NYAP2: variants seen among roughly 807,000 people sequenced by gnomAD.
The protein encoded by NYAP2 is neuronal tyrosine-phosphorylated phosphoinositide-3-kinase adaptor 2.
Under a neutral mutation model 50.4 loss-of-function variants are expected in NYAP2, and 23 were observed. That is an observed-to-expected ratio of 0.46 (90% CI 0.33 to 0.65). The LOEUF (loss-of-function observed/expected upper bound fraction) is 0.65. Among genes scored for constraint, NYAP2 ranks in the 30% least tolerant of loss-of-function variants. The pLI, the probability that NYAP2 is intolerant of heterozygous loss-of-function variation, is 0.02. For missense variants in NYAP2, 885 were observed against 861.0 expected (o/e 1.03, Z -0.35); for synonymous variants, 394 against 365.2 (o/e 1.08, Z -0.90).
intron 4 of NYAP2, among the ~76,000 whole-genome samples, chr2:225,528,903 C>A (rs1691202741): frequency 6.6e-6 from 1 of 152,154 alleles, no homozygotes; most frequent in South Asian, 2.1e-4. Context: ...GCATCAATTT[C>A]CAGTAATGGG....
chr2:225,491,458 A>T (rs1263786209), intron 3 of NYAP2, among the ~76,000 whole-genome samples: 2 of 152,202 alleles, frequency 1.3e-5, no homozygotes, highest in African/African-American at 4.8e-5. Flanking sequence ...TAAATTATGG[A>T]TTCTAAATCA....
rs189250329 is a variant in NYAP2 at position 225,598,503 on chromosome 2, G to A, written c.1618+15468G>A. On this transcript the variant is annotated intron_variant, in intron 5 of 6. Coordinates refer to ENST00000636099, the Ensembl canonical transcript of NYAP2. ...AAGTGTTGTTTCTAAGTACATTCAA[G>A]TAGAAGCAGCTCATTTTCTTTTAAA... is the stretch of plus-strand genomic sequence containing the variant. 2.4e-3 allele frequency among the ~76,000 whole-genome samples: 368 copies of A among 152,212 alleles called. 1 individual carries two copies. The highest frequency in any genetic ancestry group is 4.1e-3 in the Non-Finnish European group (281 of 68,002).
intron 3 of NYAP2, among the ~76,000 whole-genome samples, chr2:225,421,920 T>A (rs971652296): frequency 2.0e-5 from 3 of 152,218 alleles, no homozygotes; most frequent in African/African-American, 7.2e-5. Context: ...TAGAAATCAA[T>A]TATTTCAAAT....
At chr2:225,567,387 A>G (rs1490739486) in intron 4 of NYAP2, among the ~76,000 whole-genome samples, 1 of 152,180 alleles carries the variant, frequency 6.6e-6, no homozygotes, top group Non-Finnish European at 1.5e-5. Context: ...TTGAATCATT[A>G]TACACTTATA....
chr2:225,669,183 G>A, the NYAP2 span, among the ~76,000 whole-genome samples: 1 of 152,050 alleles, frequency 6.6e-6, no homozygotes, highest in African/African-American at 2.4e-5. Context: ...CATAAAGCAT[G>A]TGGTACATGA....
At chr2:225,610,065 C>T (rs866237318) in intron 5 of NYAP2, among the ~76,000 whole-genome samples, 32 of 152,068 alleles carry the variant, frequency 2.1e-4, no homozygotes, top group Admixed American at 1.8e-3. Flanking sequence ...CATTCATTGT[C>T]CTCCATTCAT....
At chr2:225,632,241 TA>T (rs1167779333) in intron 6 of NYAP2, among the ~76,000 whole-genome samples, 1 of 152,210 alleles carries the variant, frequency 6.6e-6, no homozygotes, top group Non-Finnish European at 1.5e-5. Flanking sequence ...GAGTCAGTAT[TA>T]ACTGTTTCTC....
the NYAP2 span, among the ~76,000 whole-genome samples, chr2:225,671,270 T>C: frequency 6.6e-6 from 1 of 152,150 alleles, no homozygotes; most frequent in Non-Finnish European, 1.5e-5. Flanking sequence ...TCTCAAACCC[T>C]GACACTGCTT....
intron 5 of NYAP2, among the ~76,000 whole-genome samples, chr2:225,622,073 C>G (rs960855604): frequency 3.3e-5 from 5 of 152,124 alleles, no homozygotes; most frequent in Non-Finnish European, 7.3e-5. Context: ...AGTCTGTTGC[C>G]CAGCCTGGAT....
At chr2:225,475,799 A>G (rs1346651759) in intron 3 of NYAP2, among the ~76,000 whole-genome samples, 1 of 152,216 alleles carries the variant, frequency 6.6e-6, no homozygotes, top group East Asian at 1.9e-4. Flanking sequence ...TGAGAAACTG[A>G]CAAATATACT....
chr2:225,584,457 A>G (rs1258254620), intron 5 of NYAP2, among the ~76,000 whole-genome samples: 1 of 152,194 alleles, frequency 6.6e-6, no homozygotes, highest in Non-Finnish European at 1.5e-5. Context: ...TTCTATGTCC[A>G]TTTCATTAAA....
At chr2:225,398,551 G>A (rs1222732011), upstream of NYAP2, among the ~76,000 whole-genome samples, 2 of 151,864 alleles carry the variant, frequency 1.3e-5, no homozygotes, top group Non-Finnish European at 2.9e-5. Context: ...CAGTGTGGTG[G>A]CTGTTACTAG....
chr2:225,678,066 T>G, the NYAP2 span, among the ~76,000 whole-genome samples: 1 of 152,022 alleles, frequency 6.6e-6, no homozygotes, highest in African/African-American at 2.4e-5. Context: ...TGGTTGGTTG[T>G]TTTTTTAATT....
chr2:225,505,352 C>T (rs1382801775), intron 3 of NYAP2, among the ~76,000 whole-genome samples: 1 of 152,048 alleles, frequency 6.6e-6, no homozygotes, highest in East Asian at 1.9e-4. Context: ...GCAAGAAATC[C>T]ACAAATTATG....
intron 3 of NYAP2, among the ~76,000 whole-genome samples, chr2:225,427,393 A>G (rs971418149): frequency 1.3e-5 from 2 of 152,220 alleles, no homozygotes; most frequent in African/African-American, 4.8e-5. Flanking sequence ...CTCGTCTGTG[A>G]CAATCACAAT....
At chr2:225,552,637 G>C (rs114926280) in intron 4 of NYAP2, among the ~76,000 whole-genome samples, 2,051 of 152,222 alleles carry the variant, frequency 0.013, 56 homozygotes, top group African/African-American at 0.048. Context: ...GACCATGCTG[G>C]AACCCTGATT....
chr2:225,694,591 A>G, the NYAP2 span, among the ~76,000 whole-genome samples: 1 of 151,946 alleles, frequency 6.6e-6, no homozygotes, highest in Non-Finnish European at 1.5e-5. Flanking sequence ...GCTATTTAAA[A>G]ATAAATGTGG....
At chr2:225,687,039 A>G in the NYAP2 span, among the ~76,000 whole-genome samples, 17 of 152,284 alleles carry the variant, frequency 1.1e-4, 1 homozygote, top group South Asian at 2.3e-3. Context: ...AATAAGAACT[A>G]CTTTACTCAT....
chr2:225,665,728 G>C, the NYAP2 span, among the ~76,000 whole-genome samples: 1 of 145,770 alleles, frequency 6.9e-6, no homozygotes, highest in Non-Finnish European at 1.5e-5. Context: ...AGAATTGCTT[G>C]AACCTGGGAG....
Sources: allele counts gnomAD v4.1 joint callset (sites outside exome capture counted in the v4.1 genomes callset), GRCh38; gene constraint gnomAD v4.1.1; transcripts MANE v1.5; gene names NCBI Gene and HGNC (gene_info 2026-07-23, HGNC 2026-07-21).